Variants in UBL3 observed in about 807,000 individuals in gnomAD.
UBL3 encodes the protein ubiquitin like 3, also known as ubiquitin-like protein 3.
Under a neutral mutation model 18.4 loss-of-function variants are expected in UBL3, and 6 were observed. The ratio of observed to expected loss-of-function variants is 0.33; its 90% CI spans 0.18 to 0.64. The LOEUF (loss-of-function observed/expected upper bound fraction) is 0.64, where lower values mean the gene tolerates loss of function less well. Among genes scored for constraint, UBL3 ranks in the 30% least tolerant of loss-of-function variants. The probability of loss-of-function intolerance (pLI) is 0.76; values close to 1 mark genes in which losing one functional copy is unlikely to be tolerated. For synonymous variants in UBL3, 49 were observed against 46.6 expected, an observed-to-expected ratio of 1.05 and a Z score of -0.21; for missense variants, 109 against 142.9, an observed-to-expected ratio of 0.76 and a Z score of 1.21.
intron 1 of UBL3, among the ~76,000 whole-genome samples, chr13:29,799,949 A>C (rs1014892627): frequency 6.6e-6 from 1 of 152,204 alleles, no homozygotes; most frequent in Non-Finnish European, 1.5e-5. Context: ...ATTGAAAAAA[A>C]AAAGCCAAAA....
intron 1 of UBL3, among the ~76,000 whole-genome samples, chr13:29,841,260 ATCTCTCTC>A (rs10531958): frequency 4.2e-4 from 63 of 149,574 alleles, no homozygotes; most frequent in Admixed American, 6.6e-4. Flanking sequence ...CCAATAGAGA[ATCTCTCTC>A]TCTCTCTCTC....
At chr13:29,773,679 C>A (rs754633315) in intron 2 of UBL3, among the ~76,000 whole-genome samples, 1 of 152,040 alleles carries the variant, frequency 6.6e-6, no homozygotes, top group African/African-American at 2.4e-5. Context: ...AATATGCTAT[C>A]TCCCTTCCCC....
intron 1 of UBL3, among the ~76,000 whole-genome samples, chr13:29,790,364 T>C (rs1406672275): frequency 6.6e-6 from 1 of 152,204 alleles, no homozygotes; most frequent in Non-Finnish European, 1.5e-5. Context: ...TAAACCTGTG[T>C]CTATTGAAGC....
At chr13:29,771,882 C>T (rs538820338) in intron 3 of UBL3, among the ~76,000 whole-genome samples, 1 of 152,026 alleles carries the variant, frequency 6.6e-6, no homozygotes, top group South Asian at 2.1e-4. Context: ...TAGAATCCTA[C>T]CTATACTGGG....
At chr13:29,780,370 AT>A (rs1565990131) in intron 1 of UBL3, among the ~76,000 whole-genome samples, 123 of 95,384 alleles carry the variant, frequency 1.3e-3, no homozygotes, top group African/African-American at 4.1e-3. Flanking sequence ...AAAAAAAAAT[AT>A]ATATATATAT....
intron 1 of UBL3, among the ~76,000 whole-genome samples, chr13:29,842,054 G>T (rs1258450914): frequency 6.6e-6 from 1 of 151,096 alleles, no homozygotes; most frequent in East Asian, 2.0e-4. Flanking sequence ...ACCTCCAGTT[G>T]ATGTACGATA....
intron 1 of UBL3, among the ~76,000 whole-genome samples, chr13:29,812,641 T>C (rs1878123442): frequency 6.6e-6 from 1 of 151,944 alleles, no homozygotes; most frequent in Non-Finnish European, 1.5e-5. Context: ...ATTTAAAAAT[T>C]GATATATGAG....
In UBL3 at chr13:29,764,840, T is replaced by A. The variant is rs751956649; in HGVS notation, c.*2415A>T. On this transcript the variant is annotated 3_prime_UTR_variant, in exon 5 of 5. Coordinates refer to ENST00000380680, the MANE Select transcript of UBL3 (RefSeq NM_007106.4). ...TTTTTGGCAGAGGGATCTTCAAAAG[T>A]AGCCTTGGATATGAGGAATCGTATT... is the stretch of plus-strand genomic sequence containing the variant. The A allele has an allele frequency of 3.9e-5, 6 of 152,180 alleles. No individual in the cohort carries two copies. Among genetic ancestry groups the A allele is most frequent in the Admixed American group, 1.3e-4 (2 of 15,262 alleles). 9.4% of individuals were successfully genotyped at this position (152,180 alleles called of 1,614,324 possible).
intron 1 of UBL3, among the ~76,000 whole-genome samples, chr13:29,843,123 C>G (rs1879145151): frequency 6.6e-6 from 1 of 152,096 alleles, no homozygotes; most frequent in African/African-American, 2.4e-5. Context: ...TTAAAATGCT[C>G]AGAAATCTTT....
intron 1 of UBL3, among the ~76,000 whole-genome samples, chr13:29,845,456 G>C (rs571720754): frequency 1.3e-4 from 19 of 151,974 alleles, no homozygotes; most frequent in African/African-American, 4.3e-4. Context: ...TAACTAAAGA[G>C]GAAAAAGTCC....
chr13:29,847,274 A>C (rs1321069132), intron 1 of UBL3, among the ~76,000 whole-genome samples: 1 of 152,222 alleles, frequency 6.6e-6, no homozygotes, highest in African/African-American at 2.4e-5. Flanking sequence ...TACTCAGAAC[A>C]ATCAAACCTG....
intron 1 of UBL3, among the ~76,000 whole-genome samples, chr13:29,835,163 T>TATATATATATATATAA (rs1878925595): frequency 1.8e-5 from 1 of 54,806 alleles, no homozygotes; most frequent in Non-Finnish European, 3.2e-5. Context: ...TATATATATA[T>TATATATATATATATAA]ATATATATAT....
chr13:29,790,231 A>G (rs536602043), intron 1 of UBL3, among the ~76,000 whole-genome samples: 5 of 152,240 alleles, frequency 3.3e-5, no homozygotes, highest in Non-Finnish European at 7.3e-5. Context: ...CATAGGACAC[A>G]TAAACATTCA....
intron 1 of UBL3, among the ~76,000 whole-genome samples, chr13:29,811,695 CCAATAATGAAAAATA>C: frequency 6.6e-6 from 1 of 152,076 alleles, no homozygotes; most frequent in Non-Finnish European, 1.5e-5. Context: ...AAGGCTACCT[CCAATAATGAAAAATA>C]CCTGGCTGCT....
chr13:29,789,472 A>G (rs964368627), intron 1 of UBL3, among the ~76,000 whole-genome samples: 9 of 152,248 alleles, frequency 5.9e-5, no homozygotes, highest in African/African-American at 2.2e-4. Flanking sequence ...CTATACCTGT[A>G]TTATTAGTGT....
chr13:29,809,530 C>T (rs1454009484), intron 1 of UBL3, among the ~76,000 whole-genome samples: 1 of 152,128 alleles, frequency 6.6e-6, no homozygotes, highest in Non-Finnish European at 1.5e-5. Flanking sequence ...AAAAAGTTTT[C>T]AGCAGTGGAG....
chr13:29,809,472 CACAGCCTG>C (rs1258844707), intron 1 of UBL3, among the ~76,000 whole-genome samples: 7 of 152,130 alleles, frequency 4.6e-5, no homozygotes, highest in Non-Finnish European at 8.8e-5. Flanking sequence ...TCAGATCTCA[CACAGCCTG>C]GGAAGGAATT....
intron 1 of UBL3, among the ~76,000 whole-genome samples, chr13:29,817,266 T>G (rs1218172645): frequency 6.6e-6 from 1 of 152,358 alleles, no homozygotes; most frequent in East Asian, 1.9e-4. Flanking sequence ...TACCATAGCT[T>G]GGTATGCAAC....
At position 29,778,160 on chromosome 13, in the gene UBL3, T is replaced by C. The variant is rs1363485727; in HGVS notation, c.28-897A>G. On this transcript the variant is annotated intron_variant, in intron 1 of 4. Coordinates refer to ENST00000380680, the MANE Select transcript of UBL3 (RefSeq NM_007106.4). ...CCCAACTGCATGACCATATATTTTTTAGGGGGAGTAAGGTAGGACACATGG... is the reference window on the plus strand; with the variant it reads ...CCCAACTGCATGACCATATATTTTTCAGGGGGAGTAAGGTAGGACACATGG... Among the ~76,000 whole-genome samples the C allele has an allele frequency of 2.0e-5, 3 of 152,160 alleles. No homozygotes were observed. In the East Asian group the frequency reaches 5.8e-4, roughly 29 times the overall value.
Sources: gnomAD v4.1 joint callset for allele counts (sites outside exome capture counted in the v4.1 genomes callset) on GRCh38, gnomAD v4.1.1 for gene constraint, MANE v1.5 for transcripts, NCBI Gene and HGNC (gene_info 2026-07-23, HGNC 2026-07-21) for gene names.